The following PLD5 variants were observed in gnomAD, a reference collection of about 807,000 sequenced individuals.
PLD5 encodes the protein inactive phospholipase D5.
Under a neutral mutation model 61.1 loss-of-function variants are expected in PLD5, and 36 were observed. The observed-to-expected ratio is 0.59, with a 90% CI of 0.45 to 0.78. The LOEUF (loss-of-function observed/expected upper bound fraction) is 0.78. Among genes scored for constraint, PLD5 ranks in the 30% least tolerant of loss-of-function variants. PLD5 has a pLI of 0.00. For synonymous variants in PLD5, 243 were observed against 242.8 expected (o/e 1.00, Z -0.01); for missense variants, 515 against 644.4 (o/e 0.80, Z 2.17).
chr1:242,329,812 G>A (rs568549027), intron 2 of PLD5, among the ~76,000 whole-genome samples: 3 of 151,984 alleles, frequency 2.0e-5, no homozygotes, highest in Non-Finnish European at 2.9e-5. Flanking sequence ...ATGCTATCTC[G>A]ACTAATCCCT....
At chr1:242,398,372 C>T (rs1388360568) in intron 1 of PLD5, among the ~76,000 whole-genome samples, 1 of 152,162 alleles carries the variant, frequency 6.6e-6, no homozygotes, top group Non-Finnish European at 1.5e-5. Flanking sequence ...TGTTTCATAA[C>T]AGAAGCAAGT....
At chr1:242,438,652 C>T (rs930664454) in intron 1 of PLD5, among the ~76,000 whole-genome samples, 2 of 151,996 alleles carry the variant, frequency 1.3e-5, no homozygotes, top group Non-Finnish European at 2.9e-5. Flanking sequence ...TCCATGTTGG[C>T]CAGGTTGGTC....
intron 2 of PLD5, among the ~76,000 whole-genome samples, chr1:242,299,576 A>G (rs1159565519): frequency 6.6e-6 from 1 of 152,224 alleles, no homozygotes; most frequent in African/African-American, 2.4e-5. Context: ...CCAAGTTTCA[A>G]AACAAAATAT....
intron 1 of PLD5, among the ~76,000 whole-genome samples, chr1:242,483,699 C>A (rs1002385936): frequency 6.6e-6 from 1 of 152,226 alleles, no homozygotes; most frequent in Non-Finnish European, 1.5e-5. Flanking sequence ...CAGCTCTGCA[C>A]CAAGCAGACC....
At chr1:242,156,341 G>A (rs1172288736) in intron 5 of PLD5, among the ~76,000 whole-genome samples, 1 of 152,146 alleles carries the variant, frequency 6.6e-6, no homozygotes, top group Admixed American at 6.6e-5. Context: ...GGGGCATTTA[G>A]CCCATTTACA....
intron 3 of PLD5, among the ~76,000 whole-genome samples, chr1:242,275,258 A>T (rs527978248): frequency 1.6e-4 from 24 of 152,180 alleles, no homozygotes; most frequent in African/African-American, 5.1e-4. Flanking sequence ...ATCATATGAT[A>T]TATGAATATA....
chr1:242,271,201 C>CAGAGAG (rs60075638), intron 3 of PLD5, among the ~76,000 whole-genome samples: 1 of 102,110 alleles, frequency 9.8e-6, no homozygotes, highest in African/African-American at 4.4e-5. Context: ...CACACACACA[C>CAGAGAG]AGAGAGAGAG....
chr1:242,230,949 C>T (rs1574568769), intron 4 of PLD5, among the ~76,000 whole-genome samples: 1 of 152,118 alleles, frequency 6.6e-6, no homozygotes, highest in African/African-American at 2.4e-5. Context: ...TTATATATAA[C>T]CTTCTAGTCC....
intron 4 of PLD5, among the ~76,000 whole-genome samples, chr1:242,239,633 C>T (rs890956737): frequency 2.6e-5 from 4 of 152,142 alleles, no homozygotes; most frequent in African/African-American, 4.8e-5. Context: ...CAACAAGCAG[C>T]GGGAGGTGCC....
intron 2 of PLD5, among the ~76,000 whole-genome samples, chr1:242,317,357 G>A (rs6660943): frequency 0.97 from 147,593 of 152,320 alleles, 71,604 homozygotes; most frequent in Non-Finnish European, 1. Flanking sequence ...TGTCTTTGCT[G>A]TTGTGAATGA....
In PLD5 at chr1:242,340,369, C is replaced by T. The variant is rs192739141; in HGVS notation, c.326+7737G>A. Among the ~76,000 whole-genome samples, 373 of 151,992 alleles carry T rather than the reference C, an allele frequency of 2.5e-3. 1 individual carries two copies. Among genetic ancestry groups the T allele is most frequent in the African/African-American group, 8.8e-3 (364 of 41,486 alleles). ...TGGGAGCAACACTGTAATTTAAAAA[C>T]ATAGTTGGGTTTGTCAATACAAAGC... On this transcript the variant is annotated intron_variant, in intron 2 of 9. Coordinates refer to ENST00000536534, the MANE Select transcript of PLD5 (RefSeq NM_001372062.1).
At chr1:242,276,697 G>C (rs184130767) in intron 3 of PLD5, among the ~76,000 whole-genome samples, 19 of 151,844 alleles carry the variant, frequency 1.3e-4, no homozygotes, top group Admixed American at 1.1e-3. Context: ...TAGGAGTTCA[G>C]TGCCACAGAC....
chr1:242,218,269 AT>A (rs1203555494), intron 5 of PLD5, among the ~76,000 whole-genome samples: 39 of 152,250 alleles, frequency 2.6e-4, no homozygotes, highest in Non-Finnish European at 3.2e-4. Context: ...GCAATAAAGT[AT>A]TCTTAAATTA....
chr1:242,124,920 A>T (rs959446519), intron 5 of PLD5, among the ~76,000 whole-genome samples: 4 of 152,142 alleles, frequency 2.6e-5, no homozygotes, highest in African/African-American at 9.7e-5. Flanking sequence ...ATATTCATCT[A>T]TACTTTTCAC....
At chr1:242,386,985 G>C (rs1329146117) in intron 1 of PLD5, among the ~76,000 whole-genome samples, 1 of 152,138 alleles carries the variant, frequency 6.6e-6, no homozygotes, top group Non-Finnish European at 1.5e-5. Flanking sequence ...GAAAATTCAT[G>C]ATCAAAGGGA....
At chr1:242,369,943 G>A (rs373758430) in intron 1 of PLD5, among the ~76,000 whole-genome samples, 12 of 152,194 alleles carry the variant, frequency 7.9e-5, no homozygotes, top group South Asian at 4.1e-4. Flanking sequence ...CAGAACTGCC[G>A]AACACAGAGA....
At chr1:242,389,945 CACTATTT>C (rs1217319311) in intron 1 of PLD5, among the ~76,000 whole-genome samples, 4 of 151,986 alleles carry the variant, frequency 2.6e-5, no homozygotes, top group Admixed American at 2.6e-4. Context: ...TCTTAGACTC[CACTATTT>C]ACTATTGCCA....
intron 2 of PLD5, among the ~76,000 whole-genome samples, 185 bp from the exon 3 acceptor site, chr1:242,288,715 G>C (rs1230887924): frequency 1.3e-5 from 2 of 152,038 alleles, no homozygotes; most frequent in African/African-American, 2.4e-5. Context: ...CTAACCTACT[G>C]TGTTCTGAGA....
rs34582650 is a variant in PLD5 at position 242,382,128 on chromosome 1, C to CAAA, written c.190-33889_190-33887dup. Reference sequence around the variant, plus strand: ...CAACTGATAGCGGAGACTTTGACAGCAAAAAAAAAAACAAAACAAAAAACT... The same window carrying CAAA: ...CAACTGATAGCGGAGACTTTGACAGCAAAAAAAAAAAAAACAAAACAAAAAACT... On this transcript the variant is annotated intron_variant, in intron 1 of 9. Coordinates refer to ENST00000536534, the MANE Select transcript of PLD5 (RefSeq NM_001372062.1). Among the ~76,000 whole-genome samples the CAAA allele has an allele frequency of 1.4e-3, 177 of 125,586 alleles. 1 individual carries two copies. The highest frequency in any genetic ancestry group is 8.9e-3 in the East Asian group (39 of 4,364). 82.4% of individuals were successfully genotyped at this position (125,586 alleles called of 152,430 possible).
Sources: gnomAD v4.1 joint callset for allele counts (sites outside exome capture counted in the v4.1 genomes callset) on GRCh38, gnomAD v4.1.1 for gene constraint, MANE v1.5 for transcripts, NCBI Gene and HGNC (gene_info 2026-07-23, HGNC 2026-07-21) for gene names.